Variants in CSMD3 observed in about 807,000 individuals in gnomAD.
CSMD3 encodes CUB and sushi domain-containing protein 3.
In CSMD3, 177 loss-of-function variants were observed where a neutral mutation model predicts 435.2. The observed-to-expected ratio is 0.41, with a 90% CI of 0.36 to 0.46. The LOEUF is 0.46. Ranked by LOEUF, CSMD3 falls within the 20% of genes least tolerant of loss-of-function variation. The pLI is 0.34. For synonymous variants in CSMD3, 1,656 were observed against 1,520.5 expected (o/e 1.09, Z -2.07); for missense variants, 4,265 against 4,504.6 (o/e 0.95, Z 1.52).
intron 3 of CSMD3, among the ~76,000 whole-genome samples, chr8:113,247,486 T>C (rs1422271379): frequency 6.6e-6 from 1 of 152,146 alleles, no homozygotes; most frequent in Non-Finnish European, 1.5e-5. Flanking sequence ...CAATGTTTAG[T>C]GTTCTTAAAT....
intron 2 of CSMD3, among the ~76,000 whole-genome samples, chr8:113,285,114 T>G (rs2132494655): frequency 6.6e-6 from 1 of 152,294 alleles, no homozygotes; most frequent in South Asian, 2.1e-4. Flanking sequence ...CCCATGTAGG[T>G]TTCTTAACAA....
chr8:112,775,468 T>C (rs2078221853), intron 13 of CSMD3, among the ~76,000 whole-genome samples: 1 of 151,880 alleles, frequency 6.6e-6, no homozygotes, highest in Non-Finnish European at 1.5e-5. Context: ...TATACAATAA[T>C]TTATAAATTA....
intron 27 of CSMD3, among the ~76,000 whole-genome samples, chr8:112,521,049 A>C (rs1329252975): frequency 7.9e-5 from 12 of 151,964 alleles, no homozygotes; most frequent in Admixed American, 7.9e-4. Flanking sequence ...CTTACTCCTA[A>C]ATGTTCTTCA....
chr8:113,329,157 T>C (rs956322351), intron 1 of CSMD3, among the ~76,000 whole-genome samples: 15 of 151,304 alleles, frequency 9.9e-5, no homozygotes, highest in Admixed American at 9.2e-4. Flanking sequence ...ATTGGACATA[T>C]ATGACAAAGA....
intron 9 of CSMD3, 91 bp downstream of exon 9, chr8:112,947,699 C>G (rs974812537): frequency 1.5e-6 from 1 of 673,452 alleles, no homozygotes; most frequent in African/African-American, 1.8e-5. Context: ...GCCACTAAGA[C>G]TTCATCTTTA....
intron 3 of CSMD3, among the ~76,000 whole-genome samples, chr8:113,218,857 G>A (rs1437290067): frequency 1.3e-5 from 2 of 151,210 alleles, no homozygotes; most frequent in East Asian, 3.9e-4. Context: ...ATATCTTGGG[G>A]ATGGGATCCA....
chr8:112,924,154 G>A (rs960818584), intron 9 of CSMD3, among the ~76,000 whole-genome samples: 4 of 152,154 alleles, frequency 2.6e-5, no homozygotes, highest in African/African-American at 9.7e-5. Flanking sequence ...TGTTACAGGG[G>A]TTTAAGACAA....
chr8:113,284,827 T>C (rs1298754664), intron 2 of CSMD3, among the ~76,000 whole-genome samples: 3 of 152,332 alleles, frequency 2.0e-5, no homozygotes, highest in Middle Eastern at 3.4e-3. Context: ...CCCTCCGCGT[T>C]GATGCACGAT....
At chr8:112,458,966 C>A (rs1817146132) in intron 32 of CSMD3, among the ~76,000 whole-genome samples, 1 of 152,044 alleles carries the variant, frequency 6.6e-6, no homozygotes, top group Non-Finnish European at 1.5e-5. Flanking sequence ...TACTCAGGCA[C>A]ATACACAGAT....
chr8:113,371,811 T>C (rs1204443585), intron 1 of CSMD3, among the ~76,000 whole-genome samples: 3 of 152,152 alleles, frequency 2.0e-5, no homozygotes, highest in Non-Finnish European at 2.9e-5. Context: ...AACTGTGAAA[T>C]AGGCTCTGTG....
At chr8:112,290,354 C>A (rs1819643040) in intron 56 of CSMD3, among the ~76,000 whole-genome samples, 2 of 151,834 alleles carry the variant, frequency 1.3e-5, no homozygotes, top group African/African-American at 4.8e-5. Context: ...AATGATAAGT[C>A]AAAAAACATA....
Position 113,009,548 on chromosome 8 carries a change from A to G in CSMD3, c.1030+9519T>C, listed in dbSNP as rs1418818412. Reference sequence around the variant, plus strand: ...AAAAAAGCCCTTGTCACGTTGAAAAACTAGAAAAATTGTGTTCACTTGGAA... The same window carrying G: ...AAAAAAGCCCTTGTCACGTTGAAAAGCTAGAAAAATTGTGTTCACTTGGAA... On this transcript the variant is annotated intron_variant, in intron 6 of 70. Coordinates refer to ENST00000297405, the MANE Select transcript of CSMD3 (RefSeq NM_198123.2). 2.0e-5 allele frequency among the ~76,000 whole-genome samples: 3 copies of G among 151,950 alleles called. No homozygotes were observed. The East Asian group carries it at 5.8e-4, about 29-fold the overall frequency.
At chr8:112,632,109 C>T (rs1397788496) in intron 22 of CSMD3, among the ~76,000 whole-genome samples, 2 of 151,908 alleles carry the variant, frequency 1.3e-5, no homozygotes, top group African/African-American at 4.8e-5. Flanking sequence ...TCTTCAAATG[C>T]ACTTTATTCT....
intron 22 of CSMD3, among the ~76,000 whole-genome samples, chr8:112,593,683 T>C (rs1348496401): frequency 6.6e-6 from 1 of 152,142 alleles, no homozygotes; most frequent in East Asian, 1.9e-4. Context: ...CAAGAGAATT[T>C]AACAGGTAGA....
chr8:113,228,314 G>T (rs1050779826), intron 3 of CSMD3, among the ~76,000 whole-genome samples: 1 of 151,460 alleles, frequency 6.6e-6, no homozygotes, highest in Admixed American at 6.6e-5. Context: ...AGTAACAAAA[G>T]GAAACCTGAA....
rs77153296 is a variant in CSMD3, at chr8:112,675,098, T to C, written c.2677+7344A>G. 8.0e-3 allele frequency among the ~76,000 whole-genome samples: 1,214 copies of C among 152,180 alleles called. 6 individuals are homozygous for C. Among genetic ancestry groups the C allele is most frequent in the Middle Eastern group, 0.014 (4 of 294 alleles). ...CCTTAAATTTTCAAGAAGAGGAATATAGATAATTTTTTCTTCTTAACTGGA... is the reference window on the plus strand; with the variant it reads ...CCTTAAATTTTCAAGAAGAGGAATACAGATAATTTTTTCTTCTTAACTGGA... On this transcript the variant is annotated intron_variant, in intron 16 of 70. Transcript: ENST00000297405.
At chr8:112,501,547 T>C (rs901322505) in intron 30 of CSMD3, among the ~76,000 whole-genome samples, 6 of 152,216 alleles carry the variant, frequency 3.9e-5, no homozygotes, top group African/African-American at 1.2e-4. Context: ...CACTGGTTTT[T>C]AAAAACTGGA....
intron 1 of CSMD3, among the ~76,000 whole-genome samples, chr8:113,416,781 A>G (rs2094583469): frequency 6.6e-6 from 1 of 152,128 alleles, no homozygotes; most frequent in Non-Finnish European, 1.5e-5. Context: ...ACTAAAGACT[A>G]CTTTTATGGC....
intron 3 of CSMD3, among the ~76,000 whole-genome samples, chr8:113,176,517 A>G (rs2092348773): frequency 6.6e-6 from 1 of 152,120 alleles, no homozygotes; most frequent in South Asian, 2.1e-4. Flanking sequence ...CTTACTCTTA[A>G]TGTTTTAAAA....
Sources: gnomAD v4.1 joint callset for allele counts (sites outside exome capture counted in the v4.1 genomes callset) on GRCh38, gnomAD v4.1.1 for gene constraint, MANE v1.5 for transcripts, NCBI Gene and HGNC (gene_info 2026-07-23, HGNC 2026-07-21) for gene names.